Variants in SPEN observed in about 807,000 individuals in gnomAD.
SPEN encodes the protein spen family transcriptional repressor.
A neutral mutation model predicts 269.9 loss-of-function variants in SPEN; 18 were observed. That is an observed-to-expected ratio of 0.07 (90% CI 0.05 to 0.10). The LOEUF (loss-of-function observed/expected upper bound fraction) is 0.10. Among genes scored for constraint, SPEN ranks in the 10% least tolerant of loss-of-function variants. The pLI, the probability that SPEN is intolerant of heterozygous loss-of-function variation, is 1.00. For missense variants in SPEN, 3,822 were observed against 4,631.2 expected, an observed-to-expected ratio of 0.83 and a Z score of 5.07; for synonymous variants, 1,726 against 1,765.7, an observed-to-expected ratio of 0.98 and a Z score of 0.56.
At position 15,934,294 on chromosome 1, in the gene SPEN, C is replaced by T; in HGVS notation, c.8054C>T (p.Thr2685Ile). 6.2e-7 allele frequency: 1 copy of T among 1,614,196 alleles called. No individual in the cohort carries two copies. The change falls in exon 11 of 15, where the codon ACC (threonine) becomes ATC (isoleucine). Residue 2685 changes from threonine (T) to isoleucine (I), a missense_variant. Thr to Ile is a moderately conservative substitution (Grantham distance 89). Around this residue, in one of 16 missense-constraint regions of SPEN, gnomAD observed 329 missense variants for 431.2 expected, o/e 0.76. Coordinates refer to ENST00000375759, the MANE Select transcript of SPEN (RefSeq NM_015001.3). The surrounding 1 kb of genome is among the most constrained non-coding windows in gnomAD (Gnocchi z 9.2). ...SVTTLKSLVS[T>I]PAGPVNVLKG... ...ACCACACTGAAAAGTTTGGTGAGCA[C>T]CCCTGCTGGGCCCGTGAACGTCCTG...
chr1:15,869,096 G>T (rs1252787613), intron 1 of SPEN, among the ~76,000 whole-genome samples: 1 of 152,050 alleles, frequency 6.6e-6, no homozygotes, highest in East Asian at 1.9e-4. Flanking sequence ...GGCTCTTGTT[G>T]CCTAGGCTGG....
chr1:15,857,199 G>A (rs1395607904), intron 1 of SPEN, among the ~76,000 whole-genome samples: 1 of 151,916 alleles, frequency 6.6e-6, no homozygotes, highest in East Asian at 1.9e-4. Context: ...CAAGTAGCTA[G>A]GACTACAGGC....
chr1:15,922,382 G>C (rs756446600), intron 10 of SPEN, 33 bp downstream of exon 10: 130 of 1,368,288 alleles, frequency 9.5e-5, no homozygotes, highest in Non-Finnish European at 1.2e-4. Context: ...TGTAGCTTGA[G>C]TTTTAATAGT....
rs907880437 is a variant in SPEN at position 15,913,782 on chromosome 1, A to G, written c.1244-2346A>G. Reference sequence around the variant, plus strand: ...TGAGGTGGGAGGATTGCTTAAGCCCAGGAGTTTGAGGCTGCAGTAAGCTAT... The same window carrying G: ...TGAGGTGGGAGGATTGCTTAAGCCCGGGAGTTTGAGGCTGCAGTAAGCTAT... On this transcript the variant is annotated intron_variant, in intron 5 of 14. Coordinates refer to ENST00000375759, the MANE Select transcript of SPEN (RefSeq NM_015001.3). Among the ~76,000 whole-genome samples the G allele has an allele frequency of 7.9e-5, 12 of 152,092 alleles. No homozygotes were observed. In the East Asian group the frequency reaches 2.3e-3, roughly 30 times the overall value.
At position 15,931,740 on chromosome 1, in the gene SPEN, A is replaced by G. The variant is rs1461747856; in HGVS notation, c.5500A>G (p.Ser1834Gly). Residue 1834 changes from serine (S) to glycine (G), a missense_variant, in exon 11 of 15, where the codon AGT (serine) becomes GGT (glycine). Ser to Gly is a moderately conservative substitution (Grantham distance 56). This residue lies in a region of SPEN where 533 missense variants were observed against 618.8 expected (regional missense o/e 0.86). Coordinates refer to ENST00000375759, the MANE Select transcript of SPEN (RefSeq NM_015001.3). This position sits in a 1 kb window ranked among gnomAD's most constrained non-coding sequence, Gnocchi z 4.8. ...GACCCCTGTTCAGGCAGCTGCAGTG[A>G]GTATCGTGGAGAAGCCCGTCACAAG... ...SKTPVQAAAV[S>G]IVEKPVTRKS... 5.0e-6 allele frequency: 8 copies of G among 1,614,042 alleles called. No individual in the cohort carries two copies. The highest frequency in any genetic ancestry group is 1.3e-5 in the African/African-American group (1 of 74,920).
chr1:15,848,645 G>A lies in SPEN; in HGVS notation c.83+495G>A, dbSNP rs1269520519. 2.0e-5 allele frequency among the ~76,000 whole-genome samples: 3 copies of A among 152,200 alleles called. No homozygotes were observed. In the South Asian group the frequency reaches 6.2e-4, roughly 31 times the overall value. On this transcript the variant is annotated intron_variant, in intron 1 of 14. Coordinates refer to ENST00000375759, the MANE Select transcript of SPEN (RefSeq NM_015001.3). This position sits in a 1 kb window ranked among gnomAD's most constrained non-coding sequence, Gnocchi z 5.1. ...TTCCGTGCGAAGGGAAAGGCGGTGCGAAAACAGAAGTCGCAGTAGGTACTG... is the reference window on the plus strand; with the variant it reads ...TTCCGTGCGAAGGGAAAGGCGGTGCAAAAACAGAAGTCGCAGTAGGTACTG...
chr1:15,933,730 A>G lies in SPEN; in HGVS notation c.7490A>G (p.Lys2497Arg). 6.2e-7 allele frequency: 1 copy of G among 1,614,120 alleles called. No individual in the cohort carries two copies. The highest frequency in any genetic ancestry group is 8.5e-7 in the Non-Finnish European group (1 of 1,180,010). Residue 2497 changes from lysine (K) to arginine (R), a missense_variant, in exon 11 of 15, where the codon AAG becomes AGG. Coordinates refer to ENST00000375759, the MANE Select transcript of SPEN (RefSeq NM_015001.3). The surrounding 1 kb of genome is among the most constrained non-coding windows in gnomAD (Gnocchi z 5.7). ...GGIPHQSPPTKVTEWITRQEE... is the reference protein window; with the variant it reads ...GGIPHQSPPTRVTEWITRQEE... ...ATCCCACACCAGAGCCCCCCTACTA[A>G]GGTGACAGAGTGGATCACAAGGCAG...
rs3768297 is a variant in SPEN at position 15,916,413 on chromosome 1, A to G, written c.1395+134A>G. The G allele has an allele frequency of 1.2e-5, 11 of 932,242 alleles. No individual in the cohort carries two copies. The South Asian group carries it at 1.3e-4, about 11-fold the overall frequency. 57.7% of individuals were successfully genotyped at this position (932,242 alleles called of 1,614,324 possible). A position where few individuals can be genotyped will look rare whatever the true frequency, so the allele number is the denominator to read the frequency against. Reference sequence around the variant, plus strand: ...TTGTTGTGTGCTTTTAGCTCTTGCTAAAAGATAATCCAGAGAATCCCATTG... The same window carrying G: ...TTGTTGTGTGCTTTTAGCTCTTGCTGAAAGATAATCCAGAGAATCCCATTG... On this transcript the variant is annotated intron_variant, in intron 6 of 14. Transcript: ENST00000375759.
chr1:15,908,595 A>G (rs193117696), intron 3 of SPEN, among the ~76,000 whole-genome samples: 2,331 of 151,964 alleles, frequency 0.015, 33 homozygotes, highest in South Asian at 0.022. Flanking sequence ...GCTAATTTTT[A>G]TATTTTTAGT....
intron 6 of SPEN, chr1:15,917,951 C>T (rs2071080702): frequency 6.6e-6 from 1 of 152,208 alleles, no homozygotes; most frequent in Non-Finnish European, 1.5e-5. Context: ...GACAGCCCCA[C>T]CCCAATGTCC....
intron 3 of SPEN, among the ~76,000 whole-genome samples, chr1:15,885,500 A>T (rs1027475943): frequency 2.0e-5 from 3 of 152,236 alleles, no homozygotes; most frequent in African/African-American, 4.8e-5. Flanking sequence ...GACTCCTGTA[A>T]GAGCCAATTA....
At chr1:15,927,978 T>G in intron 10 of SPEN, 113 bp from the exon 11 acceptor site, 1 of 1,007,648 alleles carries the variant, frequency 9.9e-7, no homozygotes, top group Non-Finnish European at 1.4e-6. Context: ...CACAAATGAT[T>G]AAATAATGTC....
intron 8 of SPEN, 23 bp from the exon 9 acceptor site, chr1:15,920,847 T>C (rs780725842): frequency 6.7e-7 from 1 of 1,499,242 alleles, no homozygotes; most frequent in Non-Finnish European, 9.2e-7. Context: ...CTCTTACTTG[T>C]TTTTTGTTTG....
At chr1:15,890,452 G>A (rs1427132642) in intron 3 of SPEN, among the ~76,000 whole-genome samples, 2 of 150,960 alleles carry the variant, frequency 1.3e-5, no homozygotes, top group African/African-American at 2.4e-5. Context: ...GGCTGGTCTC[G>A]AACTCTTGAC....
At position 15,933,700 on chromosome 1, in the gene SPEN, G is replaced by A. The variant is rs748710481; in HGVS notation, c.7460G>A (p.Gly2487Glu). ...AAGCTCTCACCTCCTGTCGCCTCTG[G>A]GGGGATCCCACACCAGAGCCCCCCT... ...AAKLSPPVASGGIPHQSPPTK... is the reference protein window; with the variant it reads ...AAKLSPPVASEGIPHQSPPTK... Residue 2487 changes from glycine (G) to glutamate (E), a missense_variant, in exon 11 of 15, where the codon GGG becomes GAG. By Grantham distance (98) the Gly-to-Glu change is moderately conservative. Coordinates refer to ENST00000375759, the MANE Select transcript of SPEN (RefSeq NM_015001.3). This position sits in a 1 kb window ranked among gnomAD's most constrained non-coding sequence, Gnocchi z 5.7. 3.1e-6 allele frequency: 5 copies of A among 1,614,052 alleles called. No homozygotes were observed. In the Admixed American group the frequency reaches 8.3e-5, roughly 27 times the overall value.
chr1:15,932,010 G>A lies in SPEN; in HGVS notation c.5770G>A (p.Val1924Ile), dbSNP rs201755572. The A allele has an allele frequency of 2.0e-5, 32 of 1,614,204 alleles. 1 individual carries two copies. The African/African-American group carries it at 2.3e-4, about 11-fold the overall frequency. ...HENRSPVKEP[V>I]EQPRVTRKRL... ...AAACCGCTCTCCTGTCAAAGAGCCC[G>A]TTGAGCAACCAAGAGTGACCAGAAA... is the stretch of plus-strand genomic sequence containing the variant. Residue 1924 changes from valine to isoleucine, a missense_variant, in exon 11 of 15, where the codon GTT (valine) becomes ATT (isoleucine). Val to Ile is a conservative substitution (Grantham distance 29). Transcript: ENST00000375759. The surrounding 1 kb of genome is among the most constrained non-coding windows in gnomAD (Gnocchi z 4.2).
chr1:15,869,580 GTATTTATT>G (rs139016154), intron 1 of SPEN, among the ~76,000 whole-genome samples: 125 of 146,080 alleles, frequency 8.6e-4, no homozygotes, highest in Middle Eastern at 3.5e-3. Flanking sequence ...TGTCTCTACT[GTATTTATT>G]TATTTATTTA....
intron 3 of SPEN, among the ~76,000 whole-genome samples, chr1:15,897,868 C>A (rs558585209): frequency 6.6e-6 from 1 of 152,258 alleles, no homozygotes; most frequent in South Asian, 2.1e-4. Context: ...GAGTTTAGAT[C>A]GCTTTTCAAT....
chr1:15,916,185 C>G lies in SPEN; in HGVS notation c.1301C>G (p.Pro434Arg), dbSNP rs2071065486. 1.2e-6 allele frequency: 2 copies of G among 1,613,550 alleles called. No homozygotes were observed. The highest frequency in any genetic ancestry group is 1.7e-6 in the Non-Finnish European group (2 of 1,179,798). ...PLDERIDEFHPKATRTLFIGN... is the reference protein window; with the variant it reads ...PLDERIDEFHRKATRTLFIGN... ...GATGAAAGGATAGATGAATTTCACCCCAAAGCAACAAGAACTCTCTTTATT... is the reference window on the plus strand; with the variant it reads ...GATGAAAGGATAGATGAATTTCACCGCAAAGCAACAAGAACTCTCTTTATT... The change falls in exon 6 of 15, where the codon CCC (proline) becomes CGC (arginine). Residue 434 changes from proline to arginine, a missense_variant. By Grantham distance (103) the Pro-to-Arg change is moderately radical. Coordinates refer to ENST00000375759, the MANE Select transcript of SPEN (RefSeq NM_015001.3).
Sources: gnomAD v4.1 joint callset for allele counts (sites outside exome capture counted in the v4.1 genomes callset) on GRCh38, gnomAD v4.1.1 for gene constraint, gnomAD v4.1.1 regional missense constraint, Gnocchi (gnomAD v3.1) non-coding constraint, MANE v1.5 for transcripts, NCBI Gene and HGNC (gene_info 2026-07-23, HGNC 2026-07-21) for gene names.